DHX57: variants seen among roughly 807,000 people sequenced by gnomAD.
DHX57 encodes the protein putative ATP-dependent RNA helicase DHX57.
Under a neutral mutation model 156.2 loss-of-function variants are expected in DHX57, and 105 were observed. That is an observed-to-expected ratio of 0.67 (90% CI 0.57 to 0.79). DHX57 has a LOEUF of 0.79. Among genes scored for constraint, DHX57 ranks in the 30% least tolerant of loss-of-function variants. The pLI, the probability that DHX57 is intolerant of heterozygous loss-of-function variation, is 0.00. For missense variants in DHX57, 1,847 were observed against 1,661.9 expected (o/e 1.11, Z -1.94); for synonymous variants, 704 against 595.6 (o/e 1.18, Z -2.65).
At chr2:38,822,900 G>C in intron 17 of DHX57, 93 bp downstream of exon 17, 14 of 1,332,532 alleles carry the variant, frequency 1.1e-5, no homozygotes, top group Non-Finnish European at 1.4e-5. Flanking sequence ...CAAATTTTTA[G>C]GGGGCTCACA....
intron 6 of DHX57, chr2:38,856,933 T>C (rs1672933176): frequency 6.5e-6 from 1 of 153,842 alleles, no homozygotes; most frequent in Non-Finnish European, 1.4e-5. Context: ...CCAGAATGAG[T>C]TGTGGAATCT....
intron 2 of DHX57, among the ~76,000 whole-genome samples, chr2:38,866,725 T>C (rs1046173515): frequency 1.3e-5 from 2 of 152,218 alleles, no homozygotes; most frequent in Non-Finnish European, 1.5e-5. Flanking sequence ...GAACCTATAA[T>C]GTCCATGTTT....
rs930817752 is a variant in DHX57, at chr2:38,851,750, T to C, written c.2030+2304A>G. 2.0e-5 allele frequency among the ~76,000 whole-genome samples: 3 copies of C among 152,234 alleles called. No individual in the cohort carries two copies. The East Asian group carries it at 5.8e-4, about 29-fold the overall frequency. ...AAGCTACTCTTCATATTCAAAATTA[T>C]ACTGGATATAGGTTTCCCTAAAAGT... On this transcript the variant is annotated intron_variant, in intron 9 of 23. Coordinates refer to ENST00000457308, the MANE Select transcript of DHX57 (RefSeq NM_198963.3).
chr2:38,828,280 A>G (rs769422274), intron 14 of DHX57, 60 bp downstream of exon 14: 18 of 1,311,316 alleles, frequency 1.4e-5, no homozygotes, highest in Non-Finnish European at 1.8e-5. Flanking sequence ...AAAGAGGGTG[A>G]TGATATCTTT....
intron 15 of DHX57, 41 bp from the exon 16 acceptor site, chr2:38,826,088 A>T: frequency 6.3e-7 from 1 of 1,581,600 alleles, no homozygotes; most frequent in Non-Finnish European, 8.6e-7. Context: ...CATTTTATAA[A>T]AACATGGCCA....
At chr2:38,874,876 G>C (rs1203412612) in intron 1 of DHX57, among the ~76,000 whole-genome samples, 1 of 152,118 alleles carries the variant, frequency 6.6e-6, no homozygotes, top group South Asian at 2.1e-4. Context: ...AATTCTGTAA[G>C]GTTGTGCACC....
At chr2:38,862,888 AAAG>A (rs2124934975) in intron 3 of DHX57, 1 of 156,440 alleles carries the variant, frequency 6.4e-6, no homozygotes, top group South Asian at 2.0e-4. Context: ...TGGTAAATGG[AAAG>A]AAGGAATTAA....
intron 23 of DHX57, among the ~76,000 whole-genome samples, chr2:38,800,278 C>T (rs1210617438): frequency 6.6e-6 from 1 of 151,594 alleles, no homozygotes; most frequent in South Asian, 2.1e-4. Flanking sequence ...TGCTTGAACC[C>T]GGGAGGCGGA....
rs186715835 is a variant in DHX57, at chr2:38,823,735, C to T, written c.3015-466G>A. Among the ~76,000 whole-genome samples, 5 of 152,166 alleles carry T rather than the reference C, an allele frequency of 3.3e-5. No individual in the cohort carries two copies. In the Middle Eastern group the frequency reaches 0.014, roughly 414 times the overall value. The stretch of plus-strand genomic sequence containing the variant: ...AAGTCAGAATCTTGCAGAGAGGCCA[C>T]GCGCAGTGGCTCACGTCTGTAATCC... On this transcript the variant is annotated intron_variant, in intron 16 of 23. Coordinates refer to ENST00000457308, the MANE Select transcript of DHX57 (RefSeq NM_198963.3).
At chr2:38,807,059 G>A in intron 21 of DHX57, among the ~76,000 whole-genome samples, 1 of 146,804 alleles carries the variant, frequency 6.8e-6, no homozygotes, top group South Asian at 2.2e-4. Flanking sequence ...TTCTTGTTTT[G>A]TTTTGTTTTT....
intron 17 of DHX57, among the ~76,000 whole-genome samples, chr2:38,820,050 C>A (rs1215154518): frequency 6.6e-6 from 1 of 152,182 alleles, no homozygotes; most frequent in African/African-American, 2.4e-5. Flanking sequence ...TTTCTCATGG[C>A]AATCTAAACC....
rs1369708646 is a variant in DHX57 at position 38,855,062 on chromosome 2, C to A, written c.1900G>T (p.Val634Phe). 3.1e-6 allele frequency: 5 copies of A among 1,614,140 alleles called. No homozygotes were observed. The East Asian group carries it at 1.1e-4, about 36-fold the overall frequency. Residue 634 changes from valine to phenylalanine, a missense_variant, in exon 8 of 24, where the codon GTC becomes TTC. Transcript: ENST00000457308. ...TVGYQIRLES[V>F]KSSATRLLYC... ...AATAAGCAGAGCATACAAACCTTGA[C>A]ACTTTCTAACCGAATCTGGTATCCC...
intron 11 of DHX57, 144 bp downstream of exon 11, chr2:38,846,875 A>G (rs981494225): frequency 3.9e-6 from 2 of 507,162 alleles, no homozygotes; most frequent in African/African-American, 4.0e-5. Context: ...TTCTCAATAG[A>G]TGGGGGTCCC....
chr2:38,832,995 T>C (rs1386717569), intron 13 of DHX57, among the ~76,000 whole-genome samples: 1 of 150,762 alleles, frequency 6.6e-6, no homozygotes. Flanking sequence ...TTTTTTTTTT[T>C]TTTTTTTCTG....
At chr2:38,835,584 C>A (rs1459898110) in intron 13 of DHX57, among the ~76,000 whole-genome samples, 1 of 152,150 alleles carries the variant, frequency 6.6e-6, no homozygotes, top group African/African-American at 2.4e-5. Flanking sequence ...AAATATGTCT[C>A]TAATTTAGCC....
rs1391717510 is a variant in DHX57 at position 38,861,494 on chromosome 2, T to G, written c.916A>C (p.Lys306Gln). 1 of 1,614,132 alleles carries G rather than the reference T, an allele frequency of 6.2e-7. No homozygotes were observed. Among genetic ancestry groups the G allele is most frequent in the Admixed American group, 1.7e-5 (1 of 60,008 alleles). ...TTACAATTTCCTTTGAGGTAAAATT[T>G]ACAGATTTCAAGTGAATTCTCTTGT... ...NVQENSLEIC[K>Q]FYLKGNCKFG... is the part of the protein sequence containing the mutation. The change falls in exon 5 of 24, where the codon AAA becomes CAA. Residue 306 changes from lysine (K) to glutamine (Q), a missense_variant. Transcript: ENST00000457308.
chr2:38,854,927 G>C, intron 8 of DHX57, 130 bp downstream of exon 8: 3 of 854,646 alleles, frequency 3.5e-6, no homozygotes, highest in South Asian at 1.6e-5. Flanking sequence ...ATTACCAAAG[G>C]TAATCATTAA....
At position 38,861,777 on chromosome 2, in the gene DHX57, T is replaced by A. The variant is rs779255752; in HGVS notation, c.633A>T (p.Gly211=). The change falls in exon 5 of 24, where the codon GGA becomes GGT. Residue 211 remains glycine (G), a synonymous_variant. Transcript: ENST00000457308. ...GGGTAAGGAGATGCTCTAGTGATGC[T>A]CCCACATCTCCATCACACATCCTCA... ...AVLRMCDGDV[G]ASLEHLLTQC... 6 of 1,613,860 alleles carry A rather than the reference T, an allele frequency of 3.7e-6. No homozygotes were observed. The East Asian group carries it at 1.1e-4, about 30-fold the overall frequency.
At position 38,862,137 on chromosome 2, in the gene DHX57, G is replaced by A; in HGVS notation, c.572+8C>T. On this transcript the variant is annotated splice_region_variant and intron_variant, in intron 4 of 23. Coordinates refer to ENST00000457308, the MANE Select transcript of DHX57 (RefSeq NM_198963.3). ...TTCCCAACTCCCATAAATGATCAAA[G>A]CAATCACCTGGAAAGTTTTTGCACT... is the stretch of plus-strand genomic sequence containing the variant. The A allele has an allele frequency of 6.3e-7, 1 of 1,586,762 alleles. No individual in the cohort carries two copies. Among genetic ancestry groups the A allele is most frequent in the Non-Finnish European group, 8.6e-7 (1 of 1,163,688 alleles).
Sources: gnomAD v4.1 joint callset for allele counts (sites outside exome capture counted in the v4.1 genomes callset) on GRCh38, gnomAD v4.1.1 for gene constraint, MANE v1.5 for transcripts, NCBI Gene and HGNC (gene_info 2026-07-23, HGNC 2026-07-21) for gene names.